GDAP1: variants seen among roughly 807,000 people sequenced by gnomAD.
The protein encoded by GDAP1 is ganglioside-induced differentiation-associated protein 1.
Under a neutral mutation model 40.1 loss-of-function variants are expected in GDAP1, and 34 were observed. The observed-to-expected ratio is 0.85, with a 90% confidence interval of 0.64 to 1.13. GDAP1 has a LOEUF of 1.13. Ranked by LOEUF, GDAP1 falls within the 50% of genes most tolerant of loss-of-function variation. The pLI is 0.00. For synonymous variants in GDAP1, 170 were observed against 157.4 expected (o/e 1.08, Z -0.60); for missense variants, 374 against 433.7 (o/e 0.86, Z 1.22).
intron 2 of GDAP1, among the ~76,000 whole-genome samples, chr8:74,430,942 T>C (rs2131564768): frequency 6.7e-6 from 1 of 150,300 alleles, no homozygotes; most frequent in East Asian, 1.9e-4. Context: ...GTAATTTGAC[T>C]CTCCATCCCT....
rs749187629 is a variant in GDAP1, at chr8:74,366,865, C to A, written c.*2498C>A. 1.9e-5 allele frequency: 8 copies of A among 423,550 alleles called. No individual in the cohort carries two copies. Among genetic ancestry groups the A allele is most frequent in the Non-Finnish European group, 2.8e-5 (6 of 215,916 alleles). The allele number at this position is 423,550 out of a possible 1,614,324, so 26.2% of individuals were successfully genotyped here. On this transcript the variant is annotated 3_prime_UTR_variant, in exon 6 of 6. Transcript: ENST00000220822. ...AAAGTAATTGGAAAATAAATATGAA[C>A]CCTAAAACAAAGTACTCACTTTGTA...
At chr8:74,410,931 T>G (rs1805701212) in intron 2 of GDAP1, among the ~76,000 whole-genome samples, 1 of 150,096 alleles carries the variant, frequency 6.7e-6, no homozygotes. Flanking sequence ...CAAATTGTAA[T>G]CCCCATGTGT....
intron 2 of GDAP1, among the ~76,000 whole-genome samples, chr8:74,450,638 T>TGCCAAATAATTATAATG (rs1806290288): frequency 3.4e-5 from 3 of 88,662 alleles, no homozygotes; most frequent in Non-Finnish European, 4.7e-5. Flanking sequence ...CCTGGAATAT[T>TGCCAAATAATTATAATG]CTTTCCATCT....
intron 2 of GDAP1, among the ~76,000 whole-genome samples, chr8:74,454,795 C>A (rs1806316054): frequency 1.3e-5 from 1 of 78,406 alleles, no homozygotes; most frequent in Non-Finnish European, 2.7e-5. Context: ...AAAATTAGTT[C>A]AAGGGGTACT....
intron 2 of GDAP1, among the ~76,000 whole-genome samples, chr8:74,432,044 A>G (rs902069496): frequency 3.3e-5 from 5 of 152,212 alleles, no homozygotes; most frequent in African/African-American, 1.2e-4. Flanking sequence ...AGTCATTGTC[A>G]TGCCTATTAT....
At chr8:74,443,452 G>A (rs902988512) in intron 2 of GDAP1, among the ~76,000 whole-genome samples, 26 of 152,232 alleles carry the variant, frequency 1.7e-4, no homozygotes, top group African/African-American at 5.1e-4. Flanking sequence ...TATCTGGATC[G>A]TTTATTTATT....
Position 74,350,409 on chromosome 8 carries a change from GGGA to G in GDAP1, c.-51_-49del, listed in dbSNP as rs201803887. The G allele has an allele frequency of 2.7e-3, 3,087 of 1,134,114 alleles. 128 individuals are homozygous for G. In the Admixed American group the frequency reaches 0.05, roughly 18 times the overall value. 70.3% of individuals were successfully genotyped at this position (1,134,114 alleles called of 1,614,324 possible). ...AAACGCCTTGCGGGGCAGTGTGGGAGGGAGAAGTCCAGGGCGGACAGGCTGGGC... is the reference window on the plus strand; with the variant it reads ...AAACGCCTTGCGGGGCAGTGTGGGAGGAAGTCCAGGGCGGACAGGCTGGGC... On this transcript the variant is annotated 5_prime_UTR_variant, in exon 1 of 6. Transcript: ENST00000220822.
intron 2 of GDAP1, among the ~76,000 whole-genome samples, chr8:74,386,424 A>G (rs1341746085): frequency 6.6e-6 from 1 of 152,154 alleles, no homozygotes; most frequent in Non-Finnish European, 1.5e-5. Flanking sequence ...CTGTTTTCCC[A>G]ACACCATTTA....
rs1289048929 is a variant in GDAP1 at position 74,462,613 on chromosome 8, C to G, written c.166-26065C>G. Reference sequence around the variant, plus strand: ...AGACATTAATGATCAACTGTCAATACTTCAAGACATTGAGACCTGTAGGAG... The same window carrying G: ...AGACATTAATGATCAACTGTCAATAGTTCAAGACATTGAGACCTGTAGGAG... On this transcript the variant is annotated intron_variant, in intron 2 of 2. Coordinates refer to the GDAP1 transcript ENST00000523640. Among the ~76,000 whole-genome samples, 3 of 152,136 alleles carry G rather than the reference C, an allele frequency of 2.0e-5. No individual in the cohort carries two copies. The East Asian group carries it at 5.8e-4, about 29-fold the overall frequency.
rs752878667 is a variant in GDAP1, at chr8:74,351,230, T to C, written c.118-44T>C. 5.9e-6 allele frequency: 9 copies of C among 1,524,202 alleles called. No homozygotes were observed. The African/African-American group carries it at 8.2e-5, about 14-fold the overall frequency. The allele number at this position is 1,524,202 out of a possible 1,614,324, so 94.4% of individuals were successfully genotyped here. A position where few individuals can be genotyped will look rare whatever the true frequency, so the allele number is the denominator to read the frequency against. Reference sequence around the variant, plus strand: ...GCGGTGTCCAGGGAAGTCATTTAATTGAAAGCTTACATGTGTTGTAGTAAC... The same window carrying C: ...GCGGTGTCCAGGGAAGTCATTTAATCGAAAGCTTACATGTGTTGTAGTAAC... On this transcript the variant is annotated intron_variant, in intron 1 of 5. Coordinates refer to ENST00000220822, the MANE Select transcript of GDAP1 (RefSeq NM_018972.4).
At chr8:74,448,770 A>G (rs1473374981) in intron 2 of GDAP1, among the ~76,000 whole-genome samples, 1 of 152,082 alleles carries the variant, frequency 6.6e-6, no homozygotes, top group Non-Finnish European at 1.5e-5. Context: ...TATTTTAAGA[A>G]TTACGTAGTC....
chr8:74,366,312 G>C lies in GDAP1; in HGVS notation c.*1945G>C, dbSNP rs1809632659. 1 of 454,462 alleles carries C rather than the reference G, an allele frequency of 2.2e-6. No individual in the cohort carries two copies. The highest frequency in any genetic ancestry group is 4.4e-6 in the Non-Finnish European group (1 of 226,760). 28.2% of individuals were successfully genotyped at this position (454,462 alleles called of 1,614,324 possible). On this transcript the variant is annotated 3_prime_UTR_variant, in exon 6 of 6. Transcript: ENST00000220822. Reference sequence around the variant, plus strand: ...TGTCGCTGTTTATCCAGTAGACTAAGATTGAGTGTTCTTTTTGTTCAGCAA... The same window carrying C: ...TGTCGCTGTTTATCCAGTAGACTAACATTGAGTGTTCTTTTTGTTCAGCAA...
At chr8:74,420,492 G>A (rs957713481) in intron 2 of GDAP1, among the ~76,000 whole-genome samples, 2 of 152,066 alleles carry the variant, frequency 1.3e-5, no homozygotes, top group Non-Finnish European at 2.9e-5. Flanking sequence ...TAAAATGTTG[G>A]TGAGAAATTT....
chr8:74,429,933 A>G (rs1267269695), intron 2 of GDAP1, among the ~76,000 whole-genome samples: 2 of 152,182 alleles, frequency 1.3e-5, no homozygotes, highest in Admixed American at 1.3e-4. Flanking sequence ...CTAGGAAAAC[A>G]TATTTCCATT....
In GDAP1 at chr8:74,360,233, A is replaced by T. The variant is rs1292509129; in HGVS notation, c.407A>T (p.Tyr136Phe). The T allele has an allele frequency of 6.2e-7, 1 of 1,613,346 alleles. No individual in the cohort carries two copies. Among genetic ancestry groups the T allele is most frequent in the East Asian group, 2.2e-5 (1 of 44,878 alleles). The change falls in exon 3 of 6, where the codon TAT becomes TTT. Residue 136 changes from tyrosine (Y) to phenylalanine (F), a missense_variant. Physicochemically the swap from Tyr to Phe is conservative, Grantham distance 22. Transcript: ENST00000220822. ...CTTGACTCCTTGCCAATGGATGCCT[A>T]TACACATGGCTGCATTTTACATCCT... Reference protein sequence around the residue: ...ELLDSLPMDAYTHGCILHPEL... With the variant: ...ELLDSLPMDAFTHGCILHPEL...
chr8:74,356,746 C>T (rs1324702145), intron 2 of GDAP1, among the ~76,000 whole-genome samples: 2 of 128,288 alleles, frequency 1.6e-5, no homozygotes, highest in African/African-American at 3.0e-5. Context: ...GACGGAGTCT[C>T]GCTCTGTCAC....
At chr8:74,415,306 T>C (rs1280779522) in intron 2 of GDAP1, among the ~76,000 whole-genome samples, 1 of 150,202 alleles carries the variant, frequency 6.7e-6, no homozygotes, top group African/African-American at 2.5e-5. Context: ...TTAACATCAT[T>C]TTAAAACAAT....
At chr8:74,383,874 A>G (rs1005552124) in intron 2 of GDAP1, among the ~76,000 whole-genome samples, 14 of 151,970 alleles carry the variant, frequency 9.2e-5, no homozygotes, top group Non-Finnish European at 1.2e-4. Flanking sequence ...TATAACAGAT[A>G]TTTTTTCCAA....
At chr8:74,480,248 A>C (rs571948313) in intron 2 of GDAP1, among the ~76,000 whole-genome samples, 10 of 152,138 alleles carry the variant, frequency 6.6e-5, no homozygotes, top group African/African-American at 2.4e-4. Flanking sequence ...CGGCCTCCCA[A>C]AGTGCTGAGA....
Sources: allele counts gnomAD v4.1 joint callset (sites outside exome capture counted in the v4.1 genomes callset), GRCh38; gene constraint gnomAD v4.1.1; transcripts MANE v1.5; gene names NCBI Gene and HGNC (gene_info 2026-07-23, HGNC 2026-07-21).